The following CPD variants were observed in gnomAD, a reference collection of about 807,000 sequenced individuals.
CPD encodes metallocarboxypeptidase D.
In CPD, 69 loss-of-function variants were observed where a neutral mutation model predicts 138.3. The observed-to-expected ratio is 0.50, with a 90% confidence interval of 0.41 to 0.61. The LOEUF is 0.61. Among genes scored for constraint, CPD ranks in the 20% least tolerant of loss-of-function variants. CPD has a pLI of 0.00. For missense variants in CPD, 1,432 were observed against 1,733.3 expected (o/e 0.83, Z 3.09); for synonymous variants, 651 against 642.1 (o/e 1.01, Z -0.21).
chr17:30,443,237 C>G (rs1269999332), intron 10 of CPD, among the ~76,000 whole-genome samples: 2 of 152,060 alleles, frequency 1.3e-5, no homozygotes, highest in African/African-American at 4.8e-5. Context: ...CTAAATATTT[C>G]AGCATCTATC....
In CPD at chr17:30,449,129, T is replaced by TATAAATAA. The variant is rs140528779; in HGVS notation, c.2874-407_2874-400dup. Among the ~76,000 whole-genome samples, 585 of 151,646 alleles carry TATAAATAA rather than the reference T, an allele frequency of 3.9e-3. 10 individuals carry two copies. The highest frequency in any genetic ancestry group is 0.01 in the East Asian group (54 of 5,178). On this transcript the variant is annotated intron_variant, in intron 12 of 20. Transcript: ENST00000225719. The stretch of plus-strand genomic sequence containing the variant: ...TCTCTTAAAAATATAATGACAATAA[T>TATAAATAA]ATAAATAAATAAATAAATAAATAAG...
rs1344307307 is a variant in CPD, at chr17:30,422,857, G to A, written c.1491G>A (p.Gln497=). Residue 497 remains glutamine (Q), a synonymous_variant, in exon 5 of 21, where the codon CAG becomes CAA. Transcript: ENST00000225719. ...CATCATCCTCCTACCAGCCAATTCA[G>A]CCAAAGGACTTTCACCACCACCATT... The part of the protein sequence containing the change: ...SGTSSSYQPI[Q]PKDFHHHHFP... The A allele has an allele frequency of 6.2e-6, 10 of 1,613,920 alleles. No homozygotes were observed. The highest frequency in any genetic ancestry group is 1.3e-5 in the African/African-American group (1 of 74,904).
intron 2 of CPD, among the ~76,000 whole-genome samples, chr17:30,403,180 G>A (rs1485324906): frequency 6.6e-6 from 1 of 152,164 alleles, no homozygotes; most frequent in Admixed American, 6.5e-5. Context: ...GTTAGGTTCA[G>A]CTGCAAGTTT....
At chr17:30,427,351 G>T in intron 6 of CPD, 40 bp from the exon 7 acceptor site, 2 of 1,575,638 alleles carry the variant, frequency 1.3e-6, no homozygotes, top group South Asian at 2.2e-5. Context: ...AAATATAAGT[G>T]AACATGGCTT....
chr17:30,442,095 T>TC (rs1483242857), intron 9 of CPD, among the ~76,000 whole-genome samples: 1 of 152,134 alleles, frequency 6.6e-6, no homozygotes, highest in East Asian at 1.9e-4. Context: ...CAGCTCCTGT[T>TC]ATTGGTCTAT....
At chr17:30,388,813 A>C (rs888457835) in intron 2 of CPD, among the ~76,000 whole-genome samples, 3 of 152,120 alleles carry the variant, frequency 2.0e-5, no homozygotes, top group African/African-American at 7.2e-5. Context: ...CCCTGGGGCT[A>C]AGGAGTGGCC....
At chr17:30,456,810 G>GCA (rs1484290602) in intron 17 of CPD, 1 of 196,808 alleles carries the variant, frequency 5.1e-6, no homozygotes, top group Non-Finnish European at 9.6e-6. Context: ...TCGCACTACT[G>GCA]CACTCCAGCC....
At chr17:30,408,697 G>A (rs1381813014) in intron 2 of CPD, among the ~76,000 whole-genome samples, 1 of 152,152 alleles carries the variant, frequency 6.6e-6, no homozygotes, top group Non-Finnish European at 1.5e-5. Flanking sequence ...TCAGCTTAAG[G>A]AGATTTGGGG....
Position 30,422,939 on chromosome 17 carries a change from C to T in CPD, c.1573C>T (p.Arg525Trp), listed in dbSNP as rs752689302. Residue 525 changes from arginine to tryptophan, a missense_variant, in exon 5 of 21, where the codon CGG (arginine) becomes TGG (tryptophan). By Grantham distance (101) the Arg-to-Trp change is moderately radical. Coordinates refer to ENST00000225719, the MANE Select transcript of CPD (RefSeq NM_001304.5). ...RFANEYPNIT[R>W]LYSLGKSVES... ...TGCCAATGAATATCCTAACATTACC[C>T]GGCTTTATTCCTTGGGAAAATCAGT... is the stretch of plus-strand genomic sequence containing the variant. 16 of 1,613,874 alleles carry T rather than the reference C, an allele frequency of 9.9e-6. No individual in the cohort carries two copies. Among genetic ancestry groups the T allele is most frequent in the African/African-American group, 1.3e-5 (1 of 74,900 alleles).
intron 2 of CPD, among the ~76,000 whole-genome samples, chr17:30,386,762 C>G (rs1911200556): frequency 6.6e-6 from 1 of 152,132 alleles, no homozygotes; most frequent in African/African-American, 2.4e-5. Context: ...TAAGGGTGAT[C>G]CATTTTGTTG....
At chr17:30,421,632 C>A (rs867754367) in intron 3 of CPD, 32 bp from the exon 4 acceptor site, 13 of 1,604,822 alleles carry the variant, frequency 8.1e-6, no homozygotes, top group Non-Finnish European at 1.1e-5. Context: ...TCCAAATTCA[C>A]CGTCTCTGAG....
At chr17:30,387,312 T>C (rs755659560) in intron 2 of CPD, among the ~76,000 whole-genome samples, 9 of 152,038 alleles carry the variant, frequency 5.9e-5, no homozygotes, top group Non-Finnish European at 4.4e-5. Context: ...AGAGATAGGG[T>C]TCCATCATGT....
At position 30,465,710 on chromosome 17, in the gene CPD, T is replaced by C. The variant is rs2143521941; in HGVS notation, c.*896T>C. On this transcript the variant is annotated 3_prime_UTR_variant, in exon 21 of 21. Transcript: ENST00000225719. ...GGAACCTTTTTCTATGTTGCACACATGGTTTTCAGATGACCCAGCCATCTA... is the reference window on the plus strand; with the variant it reads ...GGAACCTTTTTCTATGTTGCACACACGGTTTTCAGATGACCCAGCCATCTA... The C allele has an allele frequency of 6.5e-6, 1 of 152,742 alleles. No individual in the cohort carries two copies. Among genetic ancestry groups the C allele is most frequent in the East Asian group, 1.9e-4 (1 of 5,186 alleles). The allele number at this position is 152,742 out of a possible 1,614,324, so 9.5% of individuals were successfully genotyped here. A position where few individuals can be genotyped will look rare whatever the true frequency, so the allele number is the denominator to read the frequency against.
intron 1 of CPD, chr17:30,380,788 A>G: frequency 1.8e-6 from 1 of 567,850 alleles, no homozygotes; most frequent in Non-Finnish European, 3.0e-6. Context: ...CAAAAAGGAG[A>G]GGAATAAAAT....
chr17:30,413,511 T>A (rs1912022551), intron 2 of CPD, among the ~76,000 whole-genome samples: 1 of 152,226 alleles, frequency 6.6e-6, no homozygotes, highest in South Asian at 2.1e-4. Flanking sequence ...GGATATTCAA[T>A]GGGCATTTCA....
chr17:30,392,808 C>T (rs542827085), intron 2 of CPD, among the ~76,000 whole-genome samples: 4 of 152,284 alleles, frequency 2.6e-5, no homozygotes, highest in South Asian at 4.1e-4. Flanking sequence ...GAGGACTGGG[C>T]CACAGATATT....
intron 2 of CPD, among the ~76,000 whole-genome samples, chr17:30,408,338 G>C (rs1911861070): frequency 6.6e-6 from 1 of 152,132 alleles, no homozygotes; most frequent in African/African-American, 2.4e-5. Context: ...TTCCAATTCT[G>C]TGAAGAAAGT....
rs536859558 is a variant in CPD, at chr17:30,378,999, G to C, written c.19G>C (p.Glu7Gln). 1 of 1,544,774 alleles carries C rather than the reference G, an allele frequency of 6.5e-7. No individual in the cohort carries two copies. The highest frequency in any genetic ancestry group is 8.7e-7 in the Non-Finnish European group (1 of 1,155,760). Residue 7 changes from glutamate to glutamine, a missense_variant, in exon 1 of 21, where the codon GAG (glutamate) becomes CAG (glutamine). By Grantham distance (29) the Glu-to-Gln change is conservative. Around this residue, in one of 6 missense-constraint regions of CPD, gnomAD observed 484 missense variants for 477.2 expected, o/e 1.01. Transcript: ENST00000225719. MASGRD[E>Q]RPPWRLGRLL... is the part of the protein sequence containing the mutation. ...CTGGAAGATGGCGAGCGGCCGGGAC[G>C]AGCGGCCGCCTTGGCGGCTAGGGCG... is the stretch of plus-strand genomic sequence containing the variant.
chr17:30,379,213 G>T lies in CPD; in HGVS notation c.233G>T (p.Gly78Val). The change falls in exon 1 of 21, where the codon GGC becomes GTC. Residue 78 changes from glycine to valine, a missense_variant. Gly to Val is a moderately radical substitution (Grantham distance 109). Coordinates refer to ENST00000225719, the MANE Select transcript of CPD (RefSeq NM_001304.5). The surrounding 1 kb of genome is among the most constrained non-coding windows in gnomAD (Gnocchi z 7.0). ...GAGGCGGCGGCCGCGGGCCTCCCCG[G>T]CCTGGCCCGCCTCTTTAGCATCGGC... ...LREAAAAGLP[G>V]LARLFSIGRS... The T allele has an allele frequency of 6.5e-7, 1 of 1,528,182 alleles. No homozygotes were observed. The highest frequency in any genetic ancestry group is 2.0e-5 in the Admixed American group (1 of 50,606). 94.7% of individuals were successfully genotyped at this position (1,528,182 alleles called of 1,614,324 possible). A position where few individuals can be genotyped will look rare whatever the true frequency, so the allele number is the denominator to read the frequency against.
Sources: gnomAD v4.1 joint callset for allele counts (sites outside exome capture counted in the v4.1 genomes callset) on GRCh38, gnomAD v4.1.1 for gene constraint, gnomAD v4.1.1 regional missense constraint, Gnocchi (gnomAD v3.1) non-coding constraint, MANE v1.5 for transcripts, NCBI Gene and HGNC (gene_info 2026-07-23, HGNC 2026-07-21) for gene names.